Variants in RBFOX1 observed in about 807,000 individuals in gnomAD.
The protein encoded by RBFOX1 is RNA binding protein fox-1 homolog 1.
RBFOX1 carries 8 observed loss-of-function variants against 57.7 expected under a neutral mutation model. The observed-to-expected ratio is 0.14, with a 90% CI of 0.08 to 0.25. The LOEUF is 0.25. Among genes scored for constraint, RBFOX1 ranks in the 10% least tolerant of loss-of-function variants. The pLI is 1.00. For synonymous variants in RBFOX1, 326 were observed against 222.4 expected, an observed-to-expected ratio of 1.47 and a Z score of -4.15; for missense variants, 611 against 548.5, an observed-to-expected ratio of 1.11 and a Z score of -1.14.
chr16:6,528,392 T>G (rs1344321286), intron 2 of RBFOX1, among the ~76,000 whole-genome samples: 1 of 152,140 alleles, frequency 6.6e-6, no homozygotes, highest in African/African-American at 2.4e-5. Flanking sequence ...TTTGGATAAG[T>G]CCACCATCAA....
chr16:5,782,741 A>G (rs1203762835), intron 3 of RBFOX1, among the ~76,000 whole-genome samples: 1 of 152,168 alleles, frequency 6.6e-6, no homozygotes, highest in Non-Finnish European at 1.5e-5. Context: ...CTACAACCTA[A>G]CCAGCAATCT....
At chr16:5,648,882 G>A (rs1428372870) in intron 3 of RBFOX1, among the ~76,000 whole-genome samples, 2 of 151,992 alleles carry the variant, frequency 1.3e-5, no homozygotes, top group South Asian at 2.1e-4. Context: ...TGGCCAACAT[G>A]GTGAAACCCC....
intron 5 of RBFOX1, among the ~76,000 whole-genome samples, chr16:7,557,988 G>A (rs556469736): frequency 1.3e-5 from 2 of 152,152 alleles, no homozygotes; most frequent in South Asian, 4.2e-4. Flanking sequence ...AAAACCTCAA[G>A]AGCACAGATA....
chr16:5,275,477 C>G (rs537630232), intron 1 of RBFOX1, among the ~76,000 whole-genome samples: 2 of 152,096 alleles, frequency 1.3e-5, no homozygotes, highest in Non-Finnish European at 2.9e-5. Flanking sequence ...TATACCTAAC[C>G]AAGGAGGTGA....
intron 3 of RBFOX1, among the ~76,000 whole-genome samples, chr16:6,850,860 A>G (rs936277067): frequency 9.9e-5 from 15 of 152,206 alleles, no homozygotes; most frequent in African/African-American, 3.1e-4. Context: ...TAATTGAGCA[A>G]TTGCACACTT....
chr16:5,684,292 G>C (rs67007532), intron 3 of RBFOX1, among the ~76,000 whole-genome samples: 30,155 of 152,010 alleles, frequency 0.2, 4,315 homozygotes, highest in East Asian at 0.65. Context: ...GAACTAATAG[G>C]ATATATATCT....
chr16:6,250,800 C>A (rs896719039), intron 1 of RBFOX1, among the ~76,000 whole-genome samples: 2 of 152,110 alleles, frequency 1.3e-5, no homozygotes, highest in Admixed American at 1.3e-4. Flanking sequence ...AATTAATCCC[C>A]CAAATGGCAG....
intron 3 of RBFOX1, among the ~76,000 whole-genome samples, chr16:6,846,195 C>T (rs779369285): frequency 3.3e-5 from 5 of 152,196 alleles, no homozygotes; most frequent in Non-Finnish European, 7.3e-5. Flanking sequence ...TTGTTGAAGA[C>T]TGAGGACTTG....
intron 4 of RBFOX1, among the ~76,000 whole-genome samples, chr16:7,086,813 G>T (rs2060064028): frequency 6.6e-6 from 1 of 152,266 alleles, no homozygotes; most frequent in Middle Eastern, 3.4e-3. Flanking sequence ...ACAGATTCAT[G>T]CTAGCAAGTC....
chr16:5,659,149 C>G (rs540986884), intron 3 of RBFOX1, among the ~76,000 whole-genome samples: 1 of 152,040 alleles, frequency 6.6e-6, no homozygotes, highest in African/African-American at 2.4e-5. Flanking sequence ...TCCCTGTTCA[C>G]CGCATCCATG....
intron 5 of RBFOX1, chr16:7,519,601 A>C: frequency 5.5e-6 from 3 of 546,906 alleles, no homozygotes; most frequent in Non-Finnish European, 7.0e-6. Flanking sequence ...CACCTAAAGT[A>C]ATCATGCATA....
At chr16:6,706,823 TG>T (rs1254525815) in intron 3 of RBFOX1, among the ~76,000 whole-genome samples, 1 of 152,044 alleles carries the variant, frequency 6.6e-6, no homozygotes, top group African/African-American at 2.4e-5. Flanking sequence ...TTAGGGTATC[TG>T]TAATAATAGG....
chr16:5,577,264 G>A (rs767964586), intron 2 of RBFOX1, among the ~76,000 whole-genome samples: 3 of 152,184 alleles, frequency 2.0e-5, no homozygotes, highest in Non-Finnish European at 4.4e-5. Flanking sequence ...GTCTGTTGAG[G>A]CTCCTGTTCG....
Position 6,877,077 on chromosome 16 carries a change from A to G in RBFOX1, c.-15-174980A>G, listed in dbSNP as rs575105274. On this transcript the variant is annotated intron_variant, in intron 3 of 15. Transcript: ENST00000550418. ...TTTTGTGTTTGCTTCATAACTGGCC[A>G]TTTACTGGTGCTTAACAAGCATAGG... Among the ~76,000 whole-genome samples, 7 of 152,332 alleles carry G rather than the reference A, an allele frequency of 4.6e-5. No homozygotes were observed. In the South Asian group the frequency reaches 1.4e-3, roughly 32 times the overall value.
At chr16:7,253,570 T>TG (rs1229459895) in intron 4 of RBFOX1, among the ~76,000 whole-genome samples, 1 of 152,188 alleles carries the variant, frequency 6.6e-6, no homozygotes, top group Non-Finnish European at 1.5e-5. Flanking sequence ...CATTTCTGGA[T>TG]GTCTCCTCTG....
At chr16:7,304,566 G>C (rs571323856) in intron 4 of RBFOX1, 5 of 985,308 alleles carry the variant, frequency 5.1e-6, no homozygotes, top group Non-Finnish European at 6.0e-6. Context: ...GCTGCGCTTC[G>C]GTGCCTTATG....
At chr16:7,016,047 C>T (rs187107571) in intron 3 of RBFOX1, among the ~76,000 whole-genome samples, 22 of 152,176 alleles carry the variant, frequency 1.4e-4, no homozygotes, top group African/African-American at 5.1e-4. Flanking sequence ...CCTAGTCACT[C>T]ATTGCAGTTA....
intron 4 of RBFOX1, among the ~76,000 whole-genome samples, chr16:7,101,496 A>G (rs775295102): frequency 6.6e-6 from 1 of 152,154 alleles, no homozygotes; most frequent in Non-Finnish European, 1.5e-5. Flanking sequence ...TGAGATTCAG[A>G]AAGAGACCGG....
chr16:5,951,324 T>C (rs1016720902), intron 4 of RBFOX1, among the ~76,000 whole-genome samples: 1 of 152,038 alleles, frequency 6.6e-6, no homozygotes, highest in African/African-American at 2.4e-5. Context: ...GGTGTGTGCC[T>C]GTAGTCCCAG....
Sources: gnomAD v4.1 joint callset for allele counts (sites outside exome capture counted in the v4.1 genomes callset) on GRCh38, gnomAD v4.1.1 for gene constraint, MANE v1.5 for transcripts, NCBI Gene and HGNC (gene_info 2026-07-23, HGNC 2026-07-21) for gene names.